The following ATP10A variants were observed in gnomAD, a reference collection of about 807,000 sequenced individuals.
ATP10A encodes ATPase phospholipid transporting 10A (putative), also known as phospholipid-transporting ATPase VA.
Under a neutral mutation model 147.8 loss-of-function variants are expected in ATP10A, and 111 were observed. The observed-to-expected ratio is 0.75, with a 90% confidence interval of 0.64 to 0.88. The LOEUF (loss-of-function observed/expected upper bound fraction) is 0.88. Ranked by LOEUF, ATP10A falls within the 40% of genes least tolerant of loss-of-function variation. The pLI, the probability that ATP10A is intolerant of heterozygous loss-of-function variation, is 0.00. For missense variants in ATP10A, 1,927 were observed against 1,959.0 expected (o/e 0.98, Z 0.31); for synonymous variants, 875 against 841.6 (o/e 1.04, Z -0.69).
At chr15:25,755,649 A>T (rs759528410) in intron 2 of ATP10A, among the ~76,000 whole-genome samples, 21 of 152,084 alleles carry the variant, frequency 1.4e-4, no homozygotes, top group African/African-American at 4.8e-5. Context: ...AGTCTGCCCA[A>T]CCTCTGAAAA....
At chr15:25,811,000 G>A (rs11161229) in intron 1 of ATP10A, among the ~76,000 whole-genome samples, 1 of 152,026 alleles carries the variant, frequency 6.6e-6, no homozygotes, top group African/African-American at 2.4e-5. Context: ...GGAAGGAGGC[G>A]GGAGGATCAT....
intron 2 of ATP10A, among the ~76,000 whole-genome samples, chr15:25,759,402 T>A (rs561309050): frequency 6.0e-4 from 92 of 152,256 alleles, no homozygotes; most frequent in South Asian, 4.1e-3. Flanking sequence ...ATTAGAAAAT[T>A]TAAGTTTTTA....
At position 25,851,293 on chromosome 15, in the gene ATP10A, G is replaced by A. The variant is rs180858247; in HGVS notation, c.449+11355C>T. ...CCTTTCTGAGAAGACTTGCATGGAG[G>A]GCTCTGTTCCAAGGCTCTCCATTCG... On this transcript the variant is annotated intron_variant, in intron 1 of 20. Coordinates refer to ENST00000555815, the MANE Select transcript of ATP10A (RefSeq NM_024490.4). Among the ~76,000 whole-genome samples, 171 of 152,114 alleles carry A rather than the reference G, an allele frequency of 1.1e-3. 1 individual carries two copies. Among genetic ancestry groups the A allele is most frequent in the Non-Finnish European group, 1.7e-3 (118 of 68,002 alleles).
At chr15:25,824,633 G>C (rs1486427565) in intron 1 of ATP10A, among the ~76,000 whole-genome samples, 1 of 150,956 alleles carries the variant, frequency 6.6e-6, no homozygotes, top group Non-Finnish European at 1.5e-5. Flanking sequence ...AGATGGTGGA[G>C]TGAAGGACCT....
chr15:25,862,650 G>C lies in ATP10A; in HGVS notation c.447C>G (p.Ser149Arg). Reference sequence around the variant, plus strand: ...GCTCGCCCGCCCGCCCAACTCACCTGCTGAAGACCAGGCAGCCCAGGTGGT... The same window carrying C: ...GCTCGCCCGCCCGCCCAACTCACCTCCTGAAGACCAGGCAGCCCAGGTGGT... ...KINHLGCLVFSREEKKYVNRF... is the reference protein window; with the variant it reads ...KINHLGCLVFRREEKKYVNRF... Residue 149 changes from serine to arginine, a missense_variant and splice_region_variant, in exon 1 of 21, where the codon AGC (serine) becomes AGG (arginine). Coordinates refer to ENST00000555815, the MANE Select transcript of ATP10A (RefSeq NM_024490.4). The C allele has an allele frequency of 6.3e-7, 1 of 1,575,296 alleles. No individual in the cohort carries two copies. Among genetic ancestry groups the C allele is most frequent in the Non-Finnish European group, 8.6e-7 (1 of 1,159,010 alleles).
At chr15:25,695,241 G>A (rs963549726) in intron 13 of ATP10A, 95 bp from the exon 14 acceptor site, 22 of 1,250,804 alleles carry the variant, frequency 1.8e-5, no homozygotes, top group Middle Eastern at 1.9e-4. Context: ...ACATCCTTCC[G>A]GGCTCCAGGC....
chr15:25,700,114 A>T (rs191888550), intron 13 of ATP10A, among the ~76,000 whole-genome samples: 30 of 152,366 alleles, frequency 2.0e-4, no homozygotes, highest in Admixed American at 1.7e-3. Flanking sequence ...TTGAATGGAA[A>T]ATAAGCACAT....
intron 2 of ATP10A, among the ~76,000 whole-genome samples, chr15:25,753,020 G>A (rs1161904973): frequency 6.6e-6 from 1 of 152,010 alleles, no homozygotes; most frequent in Non-Finnish European, 1.5e-5. Flanking sequence ...TATAATTTGT[G>A]AATACAATAT....
At chr15:25,850,676 C>G (rs1011078995) in intron 1 of ATP10A, among the ~76,000 whole-genome samples, 4 of 150,640 alleles carry the variant, frequency 2.7e-5, no homozygotes, top group Non-Finnish European at 4.4e-5. Context: ...CTCCGCGGCC[C>G]GGGCAGGGCG....
chr15:25,855,575 T>C (rs954716977), intron 1 of ATP10A, among the ~76,000 whole-genome samples: 72 of 56,752 alleles, frequency 1.3e-3, no homozygotes, highest in Admixed American at 1.7e-3. Context: ...CACACACACA[T>C]ACATGCAAAC....
chr15:25,840,096 C>T (rs1892750512), intron 1 of ATP10A, among the ~76,000 whole-genome samples: 2 of 152,146 alleles, frequency 1.3e-5, no homozygotes, highest in East Asian at 1.9e-4. Context: ...TGTCCCTCAT[C>T]CCCCTAAGAA....
chr15:25,767,314 G>A (rs1889079384), intron 2 of ATP10A, among the ~76,000 whole-genome samples: 1 of 152,196 alleles, frequency 6.6e-6, no homozygotes, highest in Non-Finnish European at 1.5e-5. Flanking sequence ...GCCATGCAAG[G>A]CTGCTGTCAC....
At chr15:25,685,652 G>A (rs749244756) in intron 16 of ATP10A, among the ~76,000 whole-genome samples, 15 of 151,904 alleles carry the variant, frequency 9.9e-5, no homozygotes, top group Non-Finnish European at 1.6e-4. Context: ...GCAACATAGC[G>A]ACACCCTGTC....
chr15:25,787,568 C>A (rs139273375), intron 1 of ATP10A, among the ~76,000 whole-genome samples: 1 of 147,852 alleles, frequency 6.8e-6, no homozygotes, highest in Non-Finnish European at 1.5e-5. Context: ...GCCCTGATTG[C>A]GCCACTGCAG....
intron 1 of ATP10A, among the ~76,000 whole-genome samples, chr15:25,846,746 G>A (rs1461342008): frequency 1.3e-5 from 2 of 152,214 alleles, no homozygotes; most frequent in Non-Finnish European, 2.9e-5. Flanking sequence ...TCTGGGTAGT[G>A]GTGCCTAAAG....
At chr15:25,864,467 C>CG (rs1893906696), upstream of ATP10A, among the ~76,000 whole-genome samples, 1 of 152,170 alleles carries the variant, frequency 6.6e-6, no homozygotes, top group Non-Finnish European at 1.5e-5. Flanking sequence ...ATCACGTCTT[C>CG]GCCAGGACCC....
At chr15:25,758,988 A>T (rs1265654464) in intron 2 of ATP10A, among the ~76,000 whole-genome samples, 2 of 152,068 alleles carry the variant, frequency 1.3e-5, no homozygotes, top group Admixed American at 1.3e-4. Flanking sequence ...AGTCTCTTTA[A>T]ATTAGCCCAT....
intron 2 of ATP10A, among the ~76,000 whole-genome samples, chr15:25,777,096 C>CGTGTGTGTGTGTGTGTGTGTGT (rs34174555): frequency 1.3e-5 from 2 of 149,698 alleles, no homozygotes; most frequent in Non-Finnish European, 3.0e-5. Flanking sequence ...TGCATACGTG[C>CGTGTGTGTGTGTGTGTGTGTGT]GTGTGTGTGT....
intron 1 of ATP10A, among the ~76,000 whole-genome samples, chr15:25,802,498 A>C (rs1890985048): frequency 6.6e-6 from 1 of 151,998 alleles, no homozygotes; most frequent in South Asian, 2.1e-4. Context: ...GTGGCTGAAA[A>C]CCACACACGT....
Sources: gnomAD v4.1 joint callset for allele counts (sites outside exome capture counted in the v4.1 genomes callset) on GRCh38, gnomAD v4.1.1 for gene constraint, MANE v1.5 for transcripts, NCBI Gene and HGNC (gene_info 2026-07-23, HGNC 2026-07-21) for gene names.